Variants in SMIM35 observed in about 807,000 individuals in gnomAD.
SMIM35 encodes TMPRSS4 antisense RNA 1 (non-protein coding).
intron 1 of SMIM35, among the ~76,000 whole-genome samples, chr11:118,060,190 C>G (rs1472049217): frequency 1.3e-5 from 2 of 152,218 alleles, no homozygotes; most frequent in African/African-American, 4.8e-5. Context: ...CCAGGTCCCC[C>G]ACCCATGTGG....
At chr11:118,038,420 A>G (rs901494558) in intron 1 of SMIM35, among the ~76,000 whole-genome samples, 16 of 152,208 alleles carry the variant, frequency 1.1e-4, no homozygotes, top group African/African-American at 3.6e-4. Flanking sequence ...CAATTCCAGG[A>G]AGTTTTTCTT....
chr11:118,009,601 C>G (rs2058140282), intron 4 of SMIM35, among the ~76,000 whole-genome samples: 1 of 152,112 alleles, frequency 6.6e-6, no homozygotes, highest in African/African-American at 2.4e-5. Context: ...CAGCCATCAC[C>G]TTTCAACTGC....
chr11:118,072,797 C>G (rs757808384), intron 1 of SMIM35, among the ~76,000 whole-genome samples: 5 of 152,222 alleles, frequency 3.3e-5, no homozygotes, highest in Non-Finnish European at 7.3e-5. Context: ...CAGTGCCTAA[C>G]ACAAGAGGTA....
chr11:118,024,711 G>T lies in SMIM35; in HGVS notation c.8-8902C>A, dbSNP rs1258320474. On this transcript the variant is annotated intron_variant, in intron 1 of 4. Transcript: ENST00000689828. ...TGGTGTCGAACTCCTGACCTCAGGT[G>T]ATCTGCCCACCTCAGCCTCTCAAAG... is the stretch of plus-strand genomic sequence containing the variant. 2.6e-5 allele frequency among the ~76,000 whole-genome samples: 4 copies of T among 152,162 alleles called. No homozygotes were observed. The East Asian group carries it at 7.7e-4, about 29-fold the overall frequency.
chr11:118,046,178 A>T lies in SMIM35; in HGVS notation c.8-30369T>A, dbSNP rs144942732. 2.8e-3 allele frequency among the ~76,000 whole-genome samples: 425 copies of T among 152,282 alleles called. 1 individual carries two copies. The highest frequency in any genetic ancestry group is 8.9e-3 in the African/African-American group (369 of 41,544). Reference sequence around the variant, plus strand: ...AGTTAGGCACCAAGTACCCATAGAGATCTCCACCTACTGATGACCAAAAGT... The same window carrying T: ...AGTTAGGCACCAAGTACCCATAGAGTTCTCCACCTACTGATGACCAAAAGT... On this transcript the variant is annotated intron_variant, in intron 1 of 4. Coordinates refer to ENST00000689828, the MANE Select transcript of SMIM35 (RefSeq NM_001394165.1).
chr11:118,055,670 C>T (rs900119237), intron 1 of SMIM35, among the ~76,000 whole-genome samples: 2 of 152,170 alleles, frequency 1.3e-5, no homozygotes, highest in African/African-American at 4.8e-5. Flanking sequence ...CTCTTCACAC[C>T]AGCTCATGTC....
intron 1 of SMIM35, among the ~76,000 whole-genome samples, chr11:118,082,505 A>C (rs537444232): frequency 2.0e-5 from 3 of 150,954 alleles, no homozygotes; most frequent in Non-Finnish European, 4.4e-5. Flanking sequence ...AGGTTGCAGT[A>C]AGCCGAGATC....
intron 1 of SMIM35, among the ~76,000 whole-genome samples, chr11:118,067,086 C>A (rs1944486138): frequency 1.3e-5 from 2 of 152,108 alleles, no homozygotes. Context: ...CAGATGAGAT[C>A]ACCGAGAAAT....
chr11:118,042,582 G>A (rs1006986021), intron 1 of SMIM35, among the ~76,000 whole-genome samples: 1 of 152,108 alleles, frequency 6.6e-6, no homozygotes, highest in Non-Finnish European at 1.5e-5. Flanking sequence ...AATAGAAGAG[G>A]CTAAACACTT....
chr11:118,048,533 AGAAAGAAGGAAGGAAGGAAG>A (rs1944141268), intron 1 of SMIM35, among the ~76,000 whole-genome samples: 3 of 135,572 alleles, frequency 2.2e-5, no homozygotes, highest in African/African-American at 5.6e-5. Flanking sequence ...AAAGGAAGAA[AGAAAGAAGGAAGGAAGGAAG>A]GAAGGAAGGA....
chr11:118,019,548 T>C (rs762051714), intron 1 of SMIM35, among the ~76,000 whole-genome samples: 1 of 152,242 alleles, frequency 6.6e-6, no homozygotes, highest in Non-Finnish European at 1.5e-5. Flanking sequence ...CCCAAAGTCT[T>C]TGGCTGTGGT....
chr11:118,086,635 T>G (rs1945578674), intron 1 of SMIM35, 116 bp downstream of exon 1: 1 of 152,824 alleles, frequency 6.5e-6, no homozygotes, highest in Admixed American at 6.5e-5. Flanking sequence ...ATCAGTCATC[T>G]CTGAGGACCT....
chr11:118,063,499 C>T (rs1944423865), intron 1 of SMIM35, among the ~76,000 whole-genome samples: 1 of 152,200 alleles, frequency 6.6e-6, no homozygotes, highest in South Asian at 2.1e-4. Context: ...CATTTCCTGG[C>T]ATACAACTCC....
At chr11:118,008,882 G>A (rs1565378237) in intron 4 of SMIM35, among the ~76,000 whole-genome samples, 5 of 152,210 alleles carry the variant, frequency 3.3e-5, no homozygotes, top group Admixed American at 3.3e-4. Flanking sequence ...GAGACTGGAT[G>A]CCCCCATGGT....
intron 1 of SMIM35, among the ~76,000 whole-genome samples, chr11:118,084,370 A>G (rs557565643): frequency 6.6e-6 from 1 of 152,372 alleles, no homozygotes; most frequent in South Asian, 2.1e-4. Flanking sequence ...GTGGGCAGGA[A>G]AGCAGTAAAG....
intron 1 of SMIM35, among the ~76,000 whole-genome samples, chr11:118,049,600 C>T (rs1041830289): frequency 6.4e-4 from 98 of 152,120 alleles, no homozygotes; most frequent in Middle Eastern, 3.4e-3. Flanking sequence ...CCACCCACCT[C>T]GGCCTCCCAA....
At chr11:118,086,610 T>G (rs1211799093) in intron 1 of SMIM35, 141 bp downstream of exon 1, 2 of 152,754 alleles carry the variant, frequency 1.3e-5, no homozygotes, top group African/African-American at 4.8e-5. Flanking sequence ...CCCAGGATAC[T>G]TGGAAGTCGG....
intron 1 of SMIM35, among the ~76,000 whole-genome samples, chr11:118,051,121 C>T (rs114098059): frequency 6.6e-6 from 1 of 152,298 alleles, no homozygotes; most frequent in African/African-American, 2.4e-5. Flanking sequence ...CAGTGGATAT[C>T]GGAGGCATTG....
At chr11:118,074,930 A>G (rs1944632143) in intron 1 of SMIM35, among the ~76,000 whole-genome samples, 1 of 152,008 alleles carries the variant, frequency 6.6e-6, no homozygotes, top group Admixed American at 6.6e-5. Context: ...GGACCTCTCC[A>G]CAAACTCCCA....
Sources: gnomAD v4.1 joint callset for allele counts (sites outside exome capture counted in the v4.1 genomes callset) on GRCh38, gnomAD v4.1.1 for gene constraint, MANE v1.5 for transcripts, NCBI Gene and HGNC (gene_info 2026-07-23, HGNC 2026-07-21) for gene names.